The following FBXL7 variants were observed in gnomAD, a reference collection of about 807,000 sequenced individuals.
The protein encoded by FBXL7 is F-box/LRR-repeat protein 7.
FBXL7 carries 12 observed loss-of-function variants against 38.3 expected under a neutral mutation model. The ratio of observed to expected loss-of-function variants is 0.31; its 90% CI spans 0.20 to 0.51. The LOEUF (loss-of-function observed/expected upper bound fraction) is 0.51, where lower values mean the gene tolerates loss of function less well. FBXL7 is among the 20% of genes least tolerant of loss of function. The pLI, the probability that FBXL7 is intolerant of heterozygous loss-of-function variation, is 0.98. For synonymous variants in FBXL7, 297 were observed against 300.9 expected, an observed-to-expected ratio of 0.99 and a Z score of 0.13; for missense variants, 567 against 676.4, an observed-to-expected ratio of 0.84 and a Z score of 1.79.
At chr5:15,745,552 G>GAA (rs1386991887) in intron 2 of FBXL7, among the ~76,000 whole-genome samples, 9 of 152,182 alleles carry the variant, frequency 5.9e-5, no homozygotes, top group Non-Finnish European at 1.0e-4. Flanking sequence ...GATTAAGGAG[G>GAA]TGACTCAGGG....
At chr5:15,517,987 C>CGTT (rs772638017) in intron 1 of FBXL7, among the ~76,000 whole-genome samples, 1 of 151,810 alleles carries the variant, frequency 6.6e-6, no homozygotes, top group African/African-American at 2.4e-5. Context: ...TGTTTGTTTT[C>CGTT]GTTGTTGTTG....
At position 15,688,350 on chromosome 5, in the gene FBXL7, G is replaced by A. The variant is rs143761345; in HGVS notation, c.127+72278G>A. On this transcript the variant is annotated intron_variant, in intron 2 of 3. Coordinates refer to ENST00000504595, the MANE Select transcript of FBXL7 (RefSeq NM_012304.5). The stretch of plus-strand genomic sequence containing the variant: ...AATTCCTAGTCACCATAGGTGGTAC[G>A]TAGTATTATCCCAATTTATAAATTT... Among the ~76,000 whole-genome samples the A allele has an allele frequency of 6.3e-3, 962 of 152,272 alleles. 11 individuals are homozygous for A. The highest frequency in any genetic ancestry group is 0.022 in the African/African-American group (907 of 41,550).
At chr5:15,850,852 C>T (rs1739072783) in intron 2 of FBXL7, among the ~76,000 whole-genome samples, 1 of 152,158 alleles carries the variant, frequency 6.6e-6, no homozygotes, top group African/African-American at 2.4e-5. Context: ...TTCCTGAATC[C>T]TTTTTCAAAC....
chr5:15,635,571 G>A (rs1425339943), intron 2 of FBXL7, among the ~76,000 whole-genome samples: 3 of 152,152 alleles, frequency 2.0e-5, no homozygotes, highest in Non-Finnish European at 2.9e-5. Context: ...AGAGTGGATG[G>A]GTGGGGCAGG....
chr5:15,846,110 C>T (rs1738894750), intron 2 of FBXL7, among the ~76,000 whole-genome samples: 1 of 152,198 alleles, frequency 6.6e-6, no homozygotes, highest in South Asian at 2.1e-4. Context: ...TAAATGAATA[C>T]ACAATTATTC....
chr5:15,813,579 A>G (rs1561136383), intron 2 of FBXL7, among the ~76,000 whole-genome samples: 2 of 152,190 alleles, frequency 1.3e-5, no homozygotes, highest in Non-Finnish European at 2.9e-5. Context: ...GACAAATGGG[A>G]TCTAATTAAA....
chr5:15,667,528 G>A (rs1742324021), intron 2 of FBXL7, among the ~76,000 whole-genome samples: 1 of 152,182 alleles, frequency 6.6e-6, no homozygotes, highest in Non-Finnish European at 1.5e-5. Flanking sequence ...ACTGTGGAGT[G>A]TAAATTTCAT....
intron 2 of FBXL7, among the ~76,000 whole-genome samples, chr5:15,627,335 G>A (rs1486329351): frequency 6.6e-6 from 1 of 152,148 alleles, no homozygotes; most frequent in Non-Finnish European, 1.5e-5. Context: ...ACACCCTCAT[G>A]GAAGCCTGGG....
chr5:15,505,210 A>C (rs1736612200), intron 1 of FBXL7, among the ~76,000 whole-genome samples: 1 of 152,176 alleles, frequency 6.6e-6, no homozygotes, highest in East Asian at 1.9e-4. Context: ...GCATAATTCT[A>C]AGGACTTGCC....
rs1281245264 is a variant in FBXL7 at position 15,765,011 on chromosome 5, A to G, written c.127+148939A>G. ...ATTCAACATATAATAATGTAATTAA[A>G]TAAAATTATTGTATTATAGATCCAG... is the stretch of plus-strand genomic sequence containing the variant. On this transcript the variant is annotated intron_variant, in intron 2 of 3. Coordinates refer to ENST00000504595, the MANE Select transcript of FBXL7 (RefSeq NM_012304.5). Among the ~76,000 whole-genome samples the G allele has an allele frequency of 4.6e-5, 7 of 152,368 alleles. 1 individual carries two copies. The South Asian group carries it at 1.2e-3, about 27-fold the overall frequency.
intron 1 of FBXL7, among the ~76,000 whole-genome samples, chr5:15,596,708 T>C (rs928916741): frequency 1.1e-4 from 17 of 152,096 alleles, no homozygotes; most frequent in African/African-American, 4.1e-4. Flanking sequence ...GAAGGTTGAG[T>C]TGATCACCAA....
intron 2 of FBXL7, among the ~76,000 whole-genome samples, chr5:15,702,390 C>T (rs1398334214): frequency 6.6e-6 from 1 of 152,014 alleles, no homozygotes; most frequent in East Asian, 1.9e-4. Flanking sequence ...ATAAAAATGG[C>T]GGCATTGAAA....
chr5:15,626,896 T>G, intron 2 of FBXL7, among the ~76,000 whole-genome samples: 1 of 152,156 alleles, frequency 6.6e-6, no homozygotes, highest in South Asian at 2.1e-4. Flanking sequence ...GGGAACTTAT[T>G]AAAGAATATA....
At chr5:15,839,478 G>A (rs572356161) in intron 2 of FBXL7, among the ~76,000 whole-genome samples, 1 of 151,692 alleles carries the variant, frequency 6.6e-6, no homozygotes, top group South Asian at 2.1e-4. Context: ...ACTAAATATT[G>A]CATATATCTT....
At chr5:15,818,739 T>TGAGA (rs764119251) in intron 2 of FBXL7, among the ~76,000 whole-genome samples, 1 of 108,104 alleles carries the variant, frequency 9.3e-6, no homozygotes, top group African/African-American at 5.2e-5. Context: ...TGTGTGTGTG[T>TGAGA]GTGTGAGAGA....
At chr5:15,801,943 G>A (rs1406959387) in intron 2 of FBXL7, among the ~76,000 whole-genome samples, 3 of 152,166 alleles carry the variant, frequency 2.0e-5, no homozygotes, top group Non-Finnish European at 2.9e-5. Flanking sequence ...TTCAAGAGAT[G>A]TTAGGGACTT....
At chr5:15,681,970 C>T (rs534337073) in intron 2 of FBXL7, among the ~76,000 whole-genome samples, 2 of 152,184 alleles carry the variant, frequency 1.3e-5, no homozygotes, top group Non-Finnish European at 2.9e-5. Flanking sequence ...GTAAACACAG[C>T]GTGTCATTCA....
rs1044063149 is a variant in FBXL7 at position 15,928,835 on chromosome 5, G to A, written c.739+334G>A. Among the ~76,000 whole-genome samples the A allele has an allele frequency of 3.3e-5, 5 of 152,104 alleles. No homozygotes were observed. The highest frequency in any genetic ancestry group is 2.9e-5 in the Non-Finnish European group (2 of 68,016). On this transcript the variant is annotated intron_variant, in intron 3 of 3. Coordinates refer to ENST00000504595, the MANE Select transcript of FBXL7 (RefSeq NM_012304.5). The surrounding 1 kb of genome is among the most constrained non-coding windows in gnomAD (Gnocchi z 4.0). ...CCATTAACTCGTCATTTAACATTAGGTGTATCTCCACTTCTTACGGGAGTT... is the reference window on the plus strand; with the variant it reads ...CCATTAACTCGTCATTTAACATTAGATGTATCTCCACTTCTTACGGGAGTT...
chr5:15,589,219 C>G (rs1027259273), intron 1 of FBXL7, among the ~76,000 whole-genome samples: 11 of 152,012 alleles, frequency 7.2e-5, no homozygotes, highest in Non-Finnish European at 1.3e-4. Flanking sequence ...GTACATCATG[C>G]TGTATATTTG....
Sources: gnomAD v4.1 joint callset for allele counts (sites outside exome capture counted in the v4.1 genomes callset) on GRCh38, gnomAD v4.1.1 for gene constraint, Gnocchi (gnomAD v3.1) non-coding constraint, MANE v1.5 for transcripts, NCBI Gene and HGNC (gene_info 2026-07-23, HGNC 2026-07-21) for gene names.